Variants in PIK3C2G observed in about 807,000 individuals in gnomAD.
PIK3C2G encodes the protein phosphatidylinositol 3-kinase C2 domain-containing subunit gamma.
PIK3C2G carries 168 observed loss-of-function variants against 181.1 expected under a neutral mutation model. That is an observed-to-expected ratio of 0.93 (90% CI 0.82 to 1.05). PIK3C2G has a LOEUF of 1.05. Among genes scored for constraint, PIK3C2G ranks in the 50% least tolerant of loss-of-function variants. The pLI is 0.00. For synonymous variants in PIK3C2G, 573 were observed against 592.2 expected (o/e 0.97, Z 0.47); for missense variants, 1,869 against 1,732.8 (o/e 1.08, Z -1.40).
chr12:18,353,857 T>C (rs1940460307), intron 11 of PIK3C2G, among the ~76,000 whole-genome samples: 1 of 152,184 alleles, frequency 6.6e-6, no homozygotes, highest in African/African-American at 2.4e-5. Context: ...TGGTCTTTCA[T>C]GAATAGGTCA....
rs751017085 is a variant in PIK3C2G, at chr12:18,640,426, C to CA, written c.4183-2dup. ...TAATATTTATAACCATTTTCCTTTGCAGCATCTCCCAGATGGCTCTGCGCC... is the reference window on the plus strand; with the variant it reads ...TAATATTTATAACCATTTTCCTTTGCAAGCATCTCCCAGATGGCTCTGCGCC... On this transcript the variant is annotated splice_region_variant and splice_polypyrimidine_tract_variant and intron_variant, in intron 31 of 32. Coordinates refer to ENST00000538779, the MANE Select transcript of PIK3C2G (RefSeq NM_001288772.2). The CA allele has an allele frequency of 6.2e-7, 1 of 1,606,738 alleles. No homozygotes were observed. Among genetic ancestry groups the CA allele is most frequent in the East Asian group, 2.2e-5 (1 of 44,594 alleles).
chr12:18,432,846 GT>G (rs1398684321), intron 18 of PIK3C2G, among the ~76,000 whole-genome samples: 2 of 152,100 alleles, frequency 1.3e-5, no homozygotes, highest in Non-Finnish European at 2.9e-5. Context: ...ATTAAAATAC[GT>G]TTATGATATC....
intron 18 of PIK3C2G, among the ~76,000 whole-genome samples, chr12:18,473,408 GC>G (rs1938642979): frequency 6.6e-6 from 1 of 152,114 alleles, no homozygotes; most frequent in African/African-American, 2.4e-5. Flanking sequence ...AAGACAAAAT[GC>G]CCTGTGTATC....
chr12:18,501,446 C>T (rs189158534), intron 22 of PIK3C2G, among the ~76,000 whole-genome samples: 55 of 152,276 alleles, frequency 3.6e-4, no homozygotes, highest in Non-Finnish European at 4.1e-4. Flanking sequence ...CCAGGTCCCT[C>T]CTTCCACACG....
At chr12:18,688,537 G>A in the PIK3C2G span, among the ~76,000 whole-genome samples, 972 of 150,906 alleles carry the variant, frequency 6.4e-3, 3 homozygotes, top group Middle Eastern at 0.01. Context: ...CTCTGATAAC[G>A]TACTGTTTTT....
chr12:18,659,663 C>CTTTTTTTTTTTTTTTTTTTTTTTTTT, the PIK3C2G span, among the ~76,000 whole-genome samples: 3 of 133,826 alleles, frequency 2.2e-5, 1 homozygote, highest in Non-Finnish European at 1.6e-5. Context: ...GTTCTCCATT[C>CTTTTTTTTTTTTTTTTTTTTTTTTTT]TTTTTTTTTT....
chr12:18,494,832 A>G (rs1278199278), intron 20 of PIK3C2G, among the ~76,000 whole-genome samples: 1 of 152,086 alleles, frequency 6.6e-6, no homozygotes, highest in Non-Finnish European at 1.5e-5. Flanking sequence ...ACTATAAAAC[A>G]TCTATTTTTG....
At chr12:18,292,835 C>CT (rs1292044420) in intron 4 of PIK3C2G, among the ~76,000 whole-genome samples, 11 of 152,162 alleles carry the variant, frequency 7.2e-5, no homozygotes, top group Non-Finnish European at 1.5e-5. Context: ...GATTTGGAGT[C>CT]TGACAGATCT....
chr12:18,589,269 TA>T (rs987780515), intron 29 of PIK3C2G, among the ~76,000 whole-genome samples: 1 of 151,768 alleles, frequency 6.6e-6, no homozygotes. Context: ...ATTTTAAAAT[TA>T]AAAAAAGGAA....
At chr12:18,684,817 A>G in the PIK3C2G span, among the ~76,000 whole-genome samples, 477 of 152,094 alleles carry the variant, frequency 3.1e-3, 4 homozygotes, top group African/African-American at 0.011. Context: ...GGTGTTTAGG[A>G]AGACACCTGG....
intron 13 of PIK3C2G, among the ~76,000 whole-genome samples, chr12:18,377,582 T>C (rs558935645): frequency 2.0e-5 from 3 of 152,142 alleles, no homozygotes; most frequent in Admixed American, 6.5e-5. Flanking sequence ...CTGAAGACCA[T>C]TGATTTTGTC....
chr12:18,270,698 A>G (rs553338592), intron 1 of PIK3C2G, among the ~76,000 whole-genome samples: 47 of 152,282 alleles, frequency 3.1e-4, no homozygotes, highest in African/African-American at 1.1e-3. Flanking sequence ...AAAAGATATA[A>G]TGCTTTATAA....
Position 18,290,875 on chromosome 12 carries a change from C to T in PIK3C2G, c.782C>T (p.Ala261Val), listed in dbSNP as rs7133666. 1 of 1,601,138 alleles carries T rather than the reference C, an allele frequency of 6.2e-7. No homozygotes were observed. The highest frequency in any genetic ancestry group is 2.2e-5 in the East Asian group (1 of 44,724). The change falls in exon 4 of 33, where the codon GCA becomes GTA. Residue 261 changes from alanine (A) to valine (V), a missense_variant. Transcript: ENST00000538779. ...TTCAGAATCAGAGAAAGATATCATGCAGCTGATGTTAATTTCAATTCTGGG... is the reference window on the plus strand; with the variant it reads ...TTCAGAATCAGAGAAAGATATCATGTAGCTGATGTTAATTTCAATTCTGGG... ...KVKKIRERYH[A>V]ADVNFNSGKI...
At chr12:18,678,326 T>A in the PIK3C2G span, among the ~76,000 whole-genome samples, 14 of 152,230 alleles carry the variant, frequency 9.2e-5, no homozygotes. Flanking sequence ...CTATTTTTCT[T>A]TTCAGGATTT....
intron 24 of PIK3C2G, among the ~76,000 whole-genome samples, chr12:18,531,021 A>G (rs927123488): frequency 2.0e-5 from 3 of 152,148 alleles, no homozygotes; most frequent in Non-Finnish European, 4.4e-5. Context: ...TTACCTGCAA[A>G]TTTCAACAAT....
the PIK3C2G span, among the ~76,000 whole-genome samples, chr12:18,663,198 CA>C: frequency 6.6e-6 from 1 of 151,908 alleles, no homozygotes; most frequent in Non-Finnish European, 1.5e-5. Flanking sequence ...CACTTTTATT[CA>C]ACATAGTACT....
intron 24 of PIK3C2G, among the ~76,000 whole-genome samples, chr12:18,527,164 A>G (rs1943280701): frequency 6.6e-6 from 1 of 152,180 alleles, no homozygotes; most frequent in Non-Finnish European, 1.5e-5. Flanking sequence ...GGAAGGCATG[A>G]ATGCTGATTC....
At chr12:18,416,534 A>G (rs1277944330) in intron 16 of PIK3C2G, among the ~76,000 whole-genome samples, 4 of 152,188 alleles carry the variant, frequency 2.6e-5, no homozygotes, top group Non-Finnish European at 5.9e-5. Context: ...TGTTAGGACT[A>G]TGCAGCTGGC....
At chr12:18,615,942 T>C (rs1948592704) in intron 31 of PIK3C2G, among the ~76,000 whole-genome samples, 2 of 152,110 alleles carry the variant, frequency 1.3e-5, no homozygotes, top group African/African-American at 4.8e-5. Context: ...ACCTCTAATA[T>C]TCACCTCTCA....
Sources: allele counts gnomAD v4.1 joint callset (sites outside exome capture counted in the v4.1 genomes callset), GRCh38; gene constraint gnomAD v4.1.1; transcripts MANE v1.5; gene names NCBI Gene and HGNC (gene_info 2026-07-23, HGNC 2026-07-21).